Variants in NDUFAF6 observed in about 807,000 individuals in gnomAD.
NDUFAF6 encodes NADH dehydrogenase (ubiquinone) complex I, assembly factor 6.
NDUFAF6 carries 45 observed loss-of-function variants against 40.8 expected under a neutral mutation model. That is an observed-to-expected ratio of 1.10 (90% CI 0.87 to 1.42). NDUFAF6 has a LOEUF of 1.42. Among genes scored for constraint, NDUFAF6 ranks in the 40% most tolerant of loss-of-function variants. The pLI, the probability that NDUFAF6 is intolerant of heterozygous loss-of-function variation, is 0.00. For synonymous variants in NDUFAF6, 185 were observed against 155.9 expected, an observed-to-expected ratio of 1.19 and a Z score of -1.39; for missense variants, 435 against 418.5, an observed-to-expected ratio of 1.04 and a Z score of -0.34.
Position 95,048,467 on chromosome 8 carries a change from C to A in NDUFAF6, c.725C>A (p.Ser242Ter), listed in dbSNP as rs753297390. The A allele has an allele frequency of 6.2e-7, 1 of 1,613,220 alleles. No homozygotes were observed. Among genetic ancestry groups the A allele is most frequent in the Non-Finnish European group, 8.5e-7 (1 of 1,179,222 alleles). ...PMDICMLHGV[S>*]QEDFLRRNQD... is the part of the protein sequence containing the mutation. ...TATTTCCCCACACAGCATGGTGTTT[C>A]ACAAGAGGACTTTCTACGGAGGAAC... is the stretch of plus-strand genomic sequence containing the variant. Residue 242 changes from serine (S) to a stop codon, truncating the protein, a stop_gained, in exon 7 of 9, where the codon TCA (serine) becomes TAA (stop). Transcript: ENST00000396124. LOFTEE classifies it high-confidence loss of function.
At chr8:94,959,450 C>T (rs969556021) in intron 1 of NDUFAF6, among the ~76,000 whole-genome samples, 1 of 152,148 alleles carries the variant, frequency 6.6e-6, no homozygotes, top group African/African-American at 2.4e-5. Context: ...AAAACACCCT[C>T]AGAAAGTCCA....
At chr8:94,957,798 G>A (rs978115620), upstream of NDUFAF6, among the ~76,000 whole-genome samples, 1 of 152,180 alleles carries the variant, frequency 6.6e-6, no homozygotes, top group African/African-American at 2.4e-5. Context: ...TGGAATGAGG[G>A]TTGTACAGGG....
At chr8:94,979,330 G>C (rs1019020901) in intron 1 of NDUFAF6, among the ~76,000 whole-genome samples, 1 of 152,108 alleles carries the variant, frequency 6.6e-6, no homozygotes, top group African/African-American at 2.4e-5. Flanking sequence ...TGAGGACCTG[G>C]GGCTTCTTGA....
chr8:95,022,350 A>AT (rs1223146408), upstream of NDUFAF6, among the ~76,000 whole-genome samples: 27 of 151,822 alleles, frequency 1.8e-4, no homozygotes, highest in Middle Eastern at 6.8e-3. Flanking sequence ...GACTAGCCCT[A>AT]CTAGATATCT....
upstream of NDUFAF6, among the ~76,000 whole-genome samples, chr8:94,956,596 G>C (rs530010110): frequency 4.1e-4 from 62 of 152,266 alleles, no homozygotes; most frequent in South Asian, 0.012. Flanking sequence ...GAAATGAAAG[G>C]ATTCAATAAT....
chr8:95,053,631 CTTTT>C (rs756938359), intron 8 of NDUFAF6, among the ~76,000 whole-genome samples: 1 of 144,548 alleles, frequency 6.9e-6, no homozygotes, highest in Non-Finnish European at 1.5e-5. Flanking sequence ...CTTTTTCTTT[CTTTT>C]TTTTTTTGGA....
chr8:95,058,074 T>G lies in NDUFAF6; in HGVS notation c.*137T>G. 1 of 1,467,824 alleles carries G rather than the reference T, an allele frequency of 6.8e-7. No individual in the cohort carries two copies. The highest frequency in any genetic ancestry group is 1.5e-5 in the South Asian group (1 of 68,456). 90.9% of individuals were successfully genotyped at this position (1,467,824 alleles called of 1,614,324 possible). A position where few individuals can be genotyped will look rare whatever the true frequency, so the allele number is the denominator to read the frequency against. Reference sequence around the variant, plus strand: ...TGGGATGTCAAGTAGCTCACAAAATTGAGAAGTTGCCGTGGGACTAGGGTG... The same window carrying G: ...TGGGATGTCAAGTAGCTCACAAAATGGAGAAGTTGCCGTGGGACTAGGGTG... On this transcript the variant is annotated 3_prime_UTR_variant, in exon 9 of 9. Coordinates refer to ENST00000396124, the MANE Select transcript of NDUFAF6 (RefSeq NM_152416.4).
chr8:94,914,125 T>C (rs1052229672), intron 1 of NDUFAF6, among the ~76,000 whole-genome samples: 1 of 150,770 alleles, frequency 6.6e-6, no homozygotes, highest in African/African-American at 2.4e-5. Flanking sequence ...TTTTTTTTTT[T>C]TCAGTGGTTT....
intron 8 of NDUFAF6, among the ~76,000 whole-genome samples, chr8:95,057,260 A>G (rs936639558): frequency 3.3e-5 from 5 of 152,374 alleles, no homozygotes; most frequent in East Asian, 3.9e-4. Context: ...GGTGTTTTCT[A>G]TCCTGCTGCT....
At chr8:94,899,800 C>G (rs1360100473) in intron 1 of NDUFAF6, among the ~76,000 whole-genome samples, 1 of 152,214 alleles carries the variant, frequency 6.6e-6, no homozygotes, top group Admixed American at 6.5e-5. Context: ...GCCTTCCAAC[C>G]TGTTGCCAAA....
chr8:94,938,203 C>CT (rs1299532072), intron 1 of NDUFAF6, among the ~76,000 whole-genome samples: 5 of 152,142 alleles, frequency 3.3e-5, no homozygotes, highest in Admixed American at 6.5e-5. Context: ...ATCAATTAAC[C>CT]TGCAAACCTG....
At chr8:95,085,076 G>A (rs1482985473) in intron 2 of NDUFAF6, among the ~76,000 whole-genome samples, 1 of 152,136 alleles carries the variant, frequency 6.6e-6, no homozygotes, top group Non-Finnish European at 1.5e-5. Flanking sequence ...CGTTATTAAT[G>A]GCTACTGGCT....
At chr8:95,016,389 C>T (rs1031393831) in intron 2 of NDUFAF6, among the ~76,000 whole-genome samples, 1 of 152,228 alleles carries the variant, frequency 6.6e-6, no homozygotes, top group African/African-American at 2.4e-5. Flanking sequence ...TGGAAGTTCT[C>T]TTCTGGCGTC....
At chr8:95,077,064 A>G (rs1321724060), downstream of NDUFAF6, among the ~76,000 whole-genome samples, 1 of 152,164 alleles carries the variant, frequency 6.6e-6, no homozygotes, top group Non-Finnish European at 1.5e-5. Context: ...AGAGACGTGC[A>G]CACATGTGAA....
chr8:95,102,274 G>A (rs1430710729), intron 2 of NDUFAF6, among the ~76,000 whole-genome samples: 1 of 152,224 alleles, frequency 6.6e-6, no homozygotes, highest in Non-Finnish European at 1.5e-5. Context: ...GAAATTACAG[G>A]CAGGAGCCAC....
At chr8:95,087,034 G>A (rs1266786203) in intron 2 of NDUFAF6, among the ~76,000 whole-genome samples, 1 of 151,884 alleles carries the variant, frequency 6.6e-6, no homozygotes, top group African/African-American at 2.4e-5. Flanking sequence ...AGCAGTTTGT[G>A]GGAGTTACCT....
intron 1 of NDUFAF6, among the ~76,000 whole-genome samples, chr8:94,903,974 C>T (rs1221333847): frequency 6.6e-6 from 1 of 152,170 alleles, no homozygotes; most frequent in Non-Finnish European, 1.5e-5. Flanking sequence ...AAGAGCACCT[C>T]TGACCTGCCC....
chr8:95,111,753 A>G (rs1810004773), intron 4 of NDUFAF6, among the ~76,000 whole-genome samples: 2 of 152,194 alleles, frequency 1.3e-5, no homozygotes, highest in South Asian at 2.1e-4. Flanking sequence ...GGAACTCAGG[A>G]CCTTATAAAA....
At chr8:95,094,536 C>T (rs1232363145) in intron 2 of NDUFAF6, among the ~76,000 whole-genome samples, 1 of 151,260 alleles carries the variant, frequency 6.6e-6, no homozygotes, top group African/African-American at 2.4e-5. Context: ...CCTTAGCCTC[C>T]CAAGTAGCTG....
Sources: gnomAD v4.1 joint callset for allele counts (sites outside exome capture counted in the v4.1 genomes callset) on GRCh38, gnomAD v4.1.1 for gene constraint, MANE v1.5 for transcripts, NCBI Gene and HGNC (gene_info 2026-07-23, HGNC 2026-07-21) for gene names.